Variants in LARP4 observed in about 807,000 individuals in gnomAD.
LARP4 encodes the protein La ribonucleoprotein 4, also known as la-related protein 4.
LARP4 carries 29 observed loss-of-function variants against 92.9 expected under a neutral mutation model. That is an observed-to-expected ratio of 0.31 (90% CI 0.23 to 0.43). LARP4 has a LOEUF of 0.43. Ranked by LOEUF, LARP4 falls within the 20% of genes least tolerant of loss-of-function variation. The pLI, the probability that LARP4 is intolerant of heterozygous loss-of-function variation, is 1.00. For missense variants in LARP4, 732 were observed against 860.0 expected (o/e 0.85, Z 1.86); for synonymous variants, 279 against 284.1 (o/e 0.98, Z 0.18).
intron 8 of LARP4, among the ~76,000 whole-genome samples, chr12:50,448,198 A>G (rs1952543896): frequency 6.6e-6 from 1 of 152,118 alleles, no homozygotes; most frequent in Admixed American, 6.6e-5. Context: ...GGCAAAATGG[A>G]CATACAATAT....
In LARP4 at chr12:50,476,037, A is replaced by T. The variant is rs1435776786; in HGVS notation, c.*173A>T. 1 of 497,976 alleles carries T rather than the reference A, an allele frequency of 2.0e-6. No individual in the cohort carries two copies. The highest frequency in any genetic ancestry group is 3.6e-6 in the Non-Finnish European group (1 of 276,714). The allele number at this position is 497,976 out of a possible 1,614,324, so 30.8% of individuals were successfully genotyped here. A position where few individuals can be genotyped will look rare whatever the true frequency, so the allele number is the denominator to read the frequency against. On this transcript the variant is annotated 3_prime_UTR_variant, in exon 16 of 16. Transcript: ENST00000398473. ...GATAGGATCCCAAAATTCATCTCTA[A>T]TGTGGTTTTTAAATGCTGGAGGATT...
intron 8 of LARP4, among the ~76,000 whole-genome samples, chr12:50,446,429 A>ATTTTTTT (rs71083573): frequency 2.6e-4 from 1 of 3,918 alleles, no homozygotes; most frequent in African/African-American, 8.3e-4. Flanking sequence ...ATATATATAT[A>ATTTTTTT]TTTTTTTTTT....
intron 13 of LARP4, among the ~76,000 whole-genome samples, chr12:50,470,056 C>T (rs1956738789): frequency 6.6e-6 from 1 of 150,406 alleles, no homozygotes; most frequent in South Asian, 2.1e-4. Context: ...CCCGTCTGTA[C>T]ATAAAGTAAA....
intron 10 of LARP4, among the ~76,000 whole-genome samples, chr12:50,457,942 T>G (rs1954623448): frequency 6.6e-6 from 1 of 151,900 alleles, no homozygotes; most frequent in African/African-American, 2.4e-5. Context: ...CAACTTTTTT[T>G]TTTTTTTTTA....
intron 1 of LARP4, chr12:50,412,438 T>C: frequency 1.0e-6 from 1 of 974,634 alleles, no homozygotes; most frequent in Non-Finnish European, 1.2e-6. Context: ...GGATTTCTGT[T>C]TCTGATAGTA....
intron 10 of LARP4, among the ~76,000 whole-genome samples, chr12:50,455,296 G>T (rs1295607298): frequency 6.6e-6 from 1 of 152,068 alleles, no homozygotes; most frequent in Non-Finnish European, 1.5e-5. Flanking sequence ...TGAACTCCTG[G>T]GCTCAAAGCA....
intron 8 of LARP4, among the ~76,000 whole-genome samples, chr12:50,447,315 G>A (rs374239044): frequency 6.6e-6 from 1 of 152,100 alleles, no homozygotes; most frequent in Admixed American, 6.6e-5. Flanking sequence ...TTATTAAAAG[G>A]GTCAGCAAAC....
intron 4 of LARP4, among the ~76,000 whole-genome samples, chr12:50,435,241 G>A (rs1424577310): frequency 6.6e-6 from 1 of 152,122 alleles, no homozygotes; most frequent in Non-Finnish European, 1.5e-5. Flanking sequence ...CCAATGTTGT[G>A]CTAGATGTGT....
At chr12:50,408,805 A>G (rs574110758) in intron 1 of LARP4, among the ~76,000 whole-genome samples, 1 of 152,282 alleles carries the variant, frequency 6.6e-6, no homozygotes, top group East Asian at 1.9e-4. Context: ...ATACTAACAA[A>G]GTAACATAAT....
intron 1 of LARP4, among the ~76,000 whole-genome samples, chr12:50,406,611 A>C (rs1944892200): frequency 6.6e-6 from 1 of 152,104 alleles, no homozygotes; most frequent in Non-Finnish European, 1.5e-5. Flanking sequence ...TCCTGGGCTC[A>C]AGCAATCTGG....
intron 1 of LARP4, among the ~76,000 whole-genome samples, chr12:50,423,259 C>T (rs1450414458): frequency 6.6e-6 from 1 of 152,010 alleles, no homozygotes; most frequent in East Asian, 1.9e-4. Context: ...AGTTTTATAG[C>T]ATTCTATAGT....
At chr12:50,427,667 C>T in intron 1 of LARP4, 95 bp from the exon 2 acceptor site, 2 of 655,184 alleles carry the variant, frequency 3.1e-6, no homozygotes, top group Non-Finnish European at 4.7e-6. Flanking sequence ...GGGTTTCTCC[C>T]CCACTTTTAA....
Position 50,461,136 on chromosome 12 carries a change from G to A in LARP4, c.1123G>A (p.Val375Met). Reference protein sequence around the residue: ...NMGRPFQKNRVKPQFRSSGGS... With the variant: ...NMGRPFQKNRMKPQFRSSGGS... ...TATATCATTTTGTATTTCCTATAGT[G>A]TGAAGCCTCAGTTTAGGTCATCTGG... The change falls in exon 11 of 16, where the codon GTG (valine) becomes ATG (methionine). Residue 375 changes from valine (V) to methionine (M), a missense_variant and splice_region_variant. By Grantham distance (21) the Val-to-Met change is conservative. Around this residue, in one of 7 missense-constraint regions of LARP4, gnomAD observed 264 missense variants for 269.5 expected, o/e 0.98. Coordinates refer to ENST00000398473, the MANE Select transcript of LARP4 (RefSeq NM_052879.5). 6.2e-7 allele frequency: 1 copy of A among 1,611,330 alleles called. No individual in the cohort carries two copies. The highest frequency in any genetic ancestry group is 1.3e-5 in the African/African-American group (1 of 74,962).
chr12:50,466,125 T>C (rs1378471312), intron 12 of LARP4, among the ~76,000 whole-genome samples: 1 of 152,080 alleles, frequency 6.6e-6, no homozygotes, highest in African/African-American at 2.4e-5. Context: ...GTCTGTCAGG[T>C]TTTGCATTGT....
At position 50,409,789 on chromosome 12, in the gene LARP4, A is replaced by AATTATTATT. The variant is rs994279268; in HGVS notation, c.18+8774_18+8782dup. ...CAAAAAAAAAAAAGAAAAGAAAAAG[A>AATTATTATT]ATTATTATTATTATTATTATTTTTT... On this transcript the variant is annotated intron_variant, in intron 1 of 15. Coordinates refer to ENST00000398473, the MANE Select transcript of LARP4 (RefSeq NM_052879.5). Among the ~76,000 whole-genome samples the AATTATTATT allele has an allele frequency of 1.5e-3, 224 of 150,380 alleles. 1 individual carries two copies. The highest frequency in any genetic ancestry group is 5.0e-3 in the African/African-American group (205 of 40,958).
In LARP4 at chr12:50,474,032, T is replaced by G. The variant is rs1565770002; in HGVS notation, c.1701T>G (p.Asp567Glu). The G allele has an allele frequency of 6.2e-7, 1 of 1,612,118 alleles. No homozygotes were observed. The highest frequency in any genetic ancestry group is 8.5e-7 in the Non-Finnish European group (1 of 1,179,928). The stretch of plus-strand genomic sequence containing the variant: ...AGCAAGAAAAGGATCTAATAGAAGA[T>G]TCCTCTGTTCAGAAGGATGGTCTCA... ...TTQQEKDLIE[D>E]SSVQKDGLNQ... is the part of the protein sequence containing the mutation. The change falls in exon 15 of 16, where the codon GAT (aspartate) becomes GAG (glutamate). Residue 567 changes from aspartate to glutamate, a missense_variant. Physicochemically the swap from Asp to Glu is conservative, Grantham distance 45. Around this residue, in one of 7 missense-constraint regions of LARP4, gnomAD observed 97 missense variants for 85.9 expected, o/e 1.13. Transcript: ENST00000398473.
chr12:50,412,920 A>G (rs1166270115), intron 1 of LARP4, among the ~76,000 whole-genome samples: 1 of 152,088 alleles, frequency 6.6e-6, no homozygotes, highest in African/African-American at 2.4e-5. Flanking sequence ...CTGTGGTGAG[A>G]AGATGAATAA....
chr12:50,425,134 G>A (rs1431802351), intron 1 of LARP4, among the ~76,000 whole-genome samples: 1 of 151,948 alleles, frequency 6.6e-6, no homozygotes, highest in Admixed American at 6.6e-5. Flanking sequence ...GCAACAGAGC[G>A]AGACTCCGTC....
intron 4 of LARP4, among the ~76,000 whole-genome samples, chr12:50,431,623 G>C (rs906330750): frequency 1.3e-5 from 2 of 152,152 alleles, no homozygotes; most frequent in East Asian, 3.9e-4. Flanking sequence ...AAGGTGGGCA[G>C]ATCATGAGGT....
Sources: allele counts gnomAD v4.1 joint callset (sites outside exome capture counted in the v4.1 genomes callset), GRCh38; gene constraint gnomAD v4.1.1; regional missense constraint gnomAD v4.1.1; transcripts MANE v1.5; gene names NCBI Gene and HGNC (gene_info 2026-07-23, HGNC 2026-07-21).